The following WDR86 variants were observed in gnomAD, a reference collection of about 807,000 sequenced individuals.
WDR86 encodes WD repeat-containing protein 86.
Under a neutral mutation model 36.5 loss-of-function variants are expected in WDR86, and 30 were observed. The ratio of observed to expected loss-of-function variants is 0.82; its 90% CI spans 0.61 to 1.11. The LOEUF is 1.11. WDR86 is among the 50% of genes most tolerant of loss of function. The pLI, the probability that WDR86 is intolerant of heterozygous loss-of-function variation, is 0.00. For missense variants in WDR86, 545 were observed against 561.2 expected (o/e 0.97, Z 0.29); for synonymous variants, 255 against 252.9 (o/e 1.01, Z -0.08).
At position 151,406,684 on chromosome 7, in the gene WDR86, A is replaced by G. The variant is rs531449447; in HGVS notation, c.163+2743T>C. On this transcript the variant is annotated intron_variant, in intron 1 of 5. Coordinates refer to ENST00000334493, the MANE Select transcript of WDR86 (RefSeq NM_198285.3). This position sits in a 1 kb window ranked among gnomAD's most constrained non-coding sequence, Gnocchi z 4.4. ...GACCCTGGACAAGTCCTGCCACCGC[A>G]CCACGCCTCGAGGGATGTTGGCGAC... Among the ~76,000 whole-genome samples the G allele has an allele frequency of 3.9e-5, 6 of 152,232 alleles. No homozygotes were observed. Among genetic ancestry groups the G allele is most frequent in the Non-Finnish European group, 8.8e-5 (6 of 67,994 alleles).
At chr7:151,393,088 A>G (rs1799551064) in intron 3 of WDR86, among the ~76,000 whole-genome samples, 1 of 152,216 alleles carries the variant, frequency 6.6e-6, no homozygotes, top group African/African-American at 2.4e-5. Context: ...GGCACAGTCC[A>G]TAGCCAGAGC....
intron 1 of WDR86, among the ~76,000 whole-genome samples, chr7:151,404,062 C>T (rs1800533423): frequency 6.6e-6 from 1 of 152,222 alleles, no homozygotes; most frequent in African/African-American, 2.4e-5. Context: ...GCATCTCTAC[C>T]TGGTGGAACT....
chr7:151,402,070 A>AAAAAAAAATATATATATATATATAT, intron 1 of WDR86, among the ~76,000 whole-genome samples: 5 of 50,514 alleles, frequency 9.9e-5, no homozygotes, highest in Non-Finnish European at 1.3e-4. Flanking sequence ...AAAAAAAAAA[A>AAAAAAAAATATATATATATATATAT]ATATATATAT....
chr7:151,377,283 C>A, downstream of WDR86: 1 of 1,151,642 alleles, frequency 8.7e-7, no homozygotes. Context: ...TATGAAAAGG[C>A]TAATGCAGCT....
In WDR86 at chr7:151,401,094, T is replaced by TC; in HGVS notation, c.164-854dup. Among the ~76,000 whole-genome samples, 1 of 152,310 alleles carries TC rather than the reference T, an allele frequency of 6.6e-6. No homozygotes were observed. Among genetic ancestry groups the TC allele is most frequent in the South Asian group, 2.1e-4 (1 of 4,824 alleles). ...CCCTTGCCCACCTGCTCATGAATAA[T>TC]CAGGTAAGACTCCTAAAAAGGGATC... is the stretch of plus-strand genomic sequence containing the variant. On this transcript the variant is annotated intron_variant, in intron 1 of 5. Transcript: ENST00000334493. The surrounding 1 kb of genome is among the most constrained non-coding windows in gnomAD (Gnocchi z 4.3).
Position 151,400,126 on chromosome 7 carries a change from G to A in WDR86, c.279C>T (p.Tyr93=). Residue 93 remains tyrosine (Y), a synonymous_variant, in exon 2 of 6, where the codon TAC becomes TAT. Coordinates refer to ENST00000334493, the MANE Select transcript of WDR86 (RefSeq NM_198285.3). ...DVLTGQCLQV[Y]RGHTSIVNRI... is the part of the protein sequence containing the mutation. ...TGTTCACGATGGACGTGTGTCCTCG[G>A]TACACCTGCAGACACTGCCCGGTCA... The A allele has an allele frequency of 1.2e-6, 2 of 1,608,936 alleles. No individual in the cohort carries two copies. The highest frequency in any genetic ancestry group is 1.7e-6 in the Non-Finnish European group (2 of 1,177,614).
intron 3 of WDR86, among the ~76,000 whole-genome samples, chr7:151,394,636 G>A (rs1260149221): frequency 6.6e-6 from 1 of 152,244 alleles, no homozygotes; most frequent in Non-Finnish European, 1.5e-5. Flanking sequence ...GTCCTTCACA[G>A]CAACAGCAGC....
chr7:151,394,208 G>C (rs1270980759), intron 3 of WDR86, among the ~76,000 whole-genome samples: 5 of 152,128 alleles, frequency 3.3e-5, no homozygotes, highest in Admixed American at 2.0e-4. Flanking sequence ...CCTCAGGTGG[G>C]ACCTGAGTTA....
At position 151,401,622 on chromosome 7, in the gene WDR86, C is replaced by T. The variant is rs76374174; in HGVS notation, c.164-1381G>A. On this transcript the variant is annotated intron_variant, in intron 1 of 5. Transcript: ENST00000334493. The surrounding 1 kb of genome is among the most constrained non-coding windows in gnomAD (Gnocchi z 4.3). Reference sequence around the variant, plus strand: ...AGAGATACTGTGGTAGGCAGAATGACGGCCCCAAGACAGCAGGTCCTAATC... The same window carrying T: ...AGAGATACTGTGGTAGGCAGAATGATGGCCCCAAGACAGCAGGTCCTAATC... Among the ~76,000 whole-genome samples the T allele has an allele frequency of 3.7e-3, 569 of 152,216 alleles. 19 individuals are homozygous for T. The East Asian group carries it at 0.089, about 24-fold the overall frequency.
At chr7:151,380,066 G>C (rs1584985978), downstream of WDR86, among the ~76,000 whole-genome samples, 1 of 152,236 alleles carries the variant, frequency 6.6e-6, no homozygotes, top group East Asian at 1.9e-4. Context: ...GGCCACCCCC[G>C]AGGTCTGTGT....
At chr7:151,376,736 A>G (rs771766696), downstream of WDR86, 9 of 1,603,262 alleles carry the variant, frequency 5.6e-6, no homozygotes, top group South Asian at 8.9e-5. Context: ...CAACGGAGGA[A>G]GCCTGCCTCC....
Position 151,409,996 on chromosome 7 carries a change from G to C in WDR86, c.-407C>G, listed in dbSNP as rs1208021965. Reference sequence around the variant, plus strand: ...GGCGGGGAGAGGAACACGGGAAGCCGAGCGCCCCGCGCCCTCCCCGGCCGA... The same window carrying C: ...GGCGGGGAGAGGAACACGGGAAGCCCAGCGCCCCGCGCCCTCCCCGGCCGA... On this transcript the variant is annotated 5_prime_UTR_variant, in exon 1 of 6. Coordinates refer to ENST00000334493, the MANE Select transcript of WDR86 (RefSeq NM_198285.3). This position sits in a 1 kb window ranked among gnomAD's most constrained non-coding sequence, Gnocchi z 5.2. The C allele has an allele frequency of 2.0e-6, 2 of 1,001,840 alleles. No individual in the cohort carries two copies. The highest frequency in any genetic ancestry group is 2.0e-4 in the East Asian group (2 of 9,778). 62.1% of individuals were successfully genotyped at this position (1,001,840 alleles called of 1,614,324 possible).
At chr7:151,370,923 A>T (rs2150711050), downstream of WDR86, among the ~76,000 whole-genome samples, 1 of 152,330 alleles carries the variant, frequency 6.6e-6, no homozygotes, top group South Asian at 2.1e-4. Context: ...TATAGTTCAT[A>T]AAACATTGTC....
In WDR86 at chr7:151,395,864, G is replaced by A. The variant is rs776971406; in HGVS notation, c.638C>T (p.Thr213Ile). Residue 213 changes from threonine to isoleucine, a missense_variant, in exon 3 of 6, where the codon ACC becomes ATC. Thr to Ile is a moderately conservative substitution (Grantham distance 89, BLOSUM62 -1). Transcript: ENST00000334493. ...GTCCCAGGCACGGATGGTGGCGTCG[G>A]TGCTGCCTGTGAAGGCCGTGTGGCC... ...TPGHTAFTGSTDATIRAWDIL... is the reference protein window; with the variant it reads ...TPGHTAFTGSIDATIRAWDIL... 4.7e-5 allele frequency: 75 copies of A among 1,596,762 alleles called. No homozygotes were observed. Among genetic ancestry groups the A allele is most frequent in the Non-Finnish European group, 6.0e-5 (71 of 1,173,868 alleles).
chr7:151,402,070 A>AAAAAAAAAAAAAAAATATATATATAT, intron 1 of WDR86, among the ~76,000 whole-genome samples: 3 of 50,526 alleles, frequency 5.9e-5, no homozygotes, highest in Non-Finnish European at 1.0e-4. Flanking sequence ...AAAAAAAAAA[A>AAAAAAAAAAAAAAAATATATATATAT]ATATATATAT....
At chr7:151,378,719 G>A (rs753416781), downstream of WDR86, among the ~76,000 whole-genome samples, 1 of 152,212 alleles carries the variant, frequency 6.6e-6, no homozygotes, top group Non-Finnish European at 1.5e-5. Context: ...AGGTGACGCG[G>A]AGTCTCAGCC....
At position 151,400,240 on chromosome 7, in the gene WDR86, T is replaced by C; in HGVS notation, c.165A>G (p.Gly55=). ...ADGQCCALLQ[G]HESYVTFCQL... is the part of the protein sequence containing the mutation. ...GGCAGAAGGTCACATAGCTTTCATG[T>C]CCTGCAGATGAGGGACAGGGGAGAT... is the stretch of plus-strand genomic sequence containing the variant. Residue 55 remains glycine, a splice_region_variant and synonymous_variant, in exon 2 of 6, where the codon GGA becomes GGG. Coordinates refer to ENST00000334493, the MANE Select transcript of WDR86 (RefSeq NM_198285.3). 1 of 1,602,132 alleles carries C rather than the reference T, an allele frequency of 6.2e-7. No individual in the cohort carries two copies. The highest frequency in any genetic ancestry group is 8.5e-7 in the Non-Finnish European group (1 of 1,173,520).
In WDR86 at chr7:151,409,384, T is replaced by C; in HGVS notation, c.163+43A>G. On this transcript the variant is annotated intron_variant, in intron 1 of 5. Transcript: ENST00000334493. This position sits in a 1 kb window ranked among gnomAD's most constrained non-coding sequence, Gnocchi z 5.2. ...GCTGGGGTCCGCGGTCTGGGGCCGGTGAGCTGCGGCGAAGAGGTCAGGGAG... is the reference window on the plus strand; with the variant it reads ...GCTGGGGTCCGCGGTCTGGGGCCGGCGAGCTGCGGCGAAGAGGTCAGGGAG... The C allele has an allele frequency of 6.5e-7, 1 of 1,549,674 alleles. No individual in the cohort carries two copies. The highest frequency in any genetic ancestry group is 8.7e-7 in the Non-Finnish European group (1 of 1,147,610).
At position 151,381,689 on chromosome 7, in the gene WDR86, C is replaced by G; in HGVS notation, c.1024G>C (p.Val342Leu). ...SHDGALRLWD[V>L]RGLRGAPRPP... ...CGCGGGGCACCTCGGAGCCCGCGCA[C>G]GTCCCAGAGGCGCAGGGCGCCGTCG... is the stretch of plus-strand genomic sequence containing the variant. The change falls in exon 6 of 6, where the codon GTG becomes CTG. Residue 342 changes from valine to leucine, a missense_variant. By Grantham distance (32) the Val-to-Leu change is conservative. Coordinates refer to ENST00000334493, the MANE Select transcript of WDR86 (RefSeq NM_198285.3). This position sits in a 1 kb window ranked among gnomAD's most constrained non-coding sequence, Gnocchi z 4.8. The G allele has an allele frequency of 6.9e-7, 1 of 1,440,882 alleles. No homozygotes were observed. Among genetic ancestry groups the G allele is most frequent in the South Asian group, 1.4e-5 (1 of 69,006 alleles). 89.3% of individuals were successfully genotyped at this position (1,440,882 alleles called of 1,614,324 possible).
Sources: allele counts gnomAD v4.1 joint callset (sites outside exome capture counted in the v4.1 genomes callset), GRCh38; gene constraint gnomAD v4.1.1; non-coding constraint Gnocchi (gnomAD v3.1); transcripts MANE v1.5; gene names NCBI Gene and HGNC (gene_info 2026-07-23, HGNC 2026-07-21).